The following UBR4 variants were observed in gnomAD, a reference collection of about 807,000 sequenced individuals.
The protein encoded by UBR4 is E3 ubiquitin-protein ligase UBR4.
Under a neutral mutation model 575.6 loss-of-function variants are expected in UBR4, and 124 were observed. The ratio of observed to expected loss-of-function variants is 0.22; its 90% CI spans 0.19 to 0.25. The LOEUF (loss-of-function observed/expected upper bound fraction) is 0.25, where lower values mean the gene tolerates loss of function less well. Ranked by LOEUF, UBR4 falls within the 10% of genes least tolerant of loss-of-function variation. The pLI is 1.00. For missense variants in UBR4, 4,818 were observed against 6,478.8 expected (o/e 0.74, Z 8.80); for synonymous variants, 2,455 against 2,473.7 (o/e 0.99, Z 0.22).
chr1:19,170,510 A>T (rs1004856586), intron 26 of UBR4, among the ~76,000 whole-genome samples: 2 of 152,244 alleles, frequency 1.3e-5, no homozygotes, highest in Non-Finnish European at 2.9e-5. Flanking sequence ...TCCCAGCTCT[A>T]TCTCTTGCAA....
Position 19,148,861 on chromosome 1 carries a change from C to T in UBR4, c.7431-235G>A, listed in dbSNP as rs11583294. Among the ~76,000 whole-genome samples, 1,183 of 152,304 alleles carry T rather than the reference C, an allele frequency of 7.8e-3. 25 individuals are homozygous for T. Among genetic ancestry groups the T allele is most frequent in the African/African-American group, 0.027 (1,141 of 41,566 alleles). On this transcript the variant is annotated intron_variant, in intron 49 of 105. Transcript: ENST00000375254. Reference sequence around the variant, plus strand: ...CTGAGGCCATGTTCGTAATCCGTAACTCAAAGACAGGGCTTTTCTTCCTCA... The same window carrying T: ...CTGAGGCCATGTTCGTAATCCGTAATTCAAAGACAGGGCTTTTCTTCCTCA...
intron 50 of UBR4, 33 bp from the exon 51 acceptor site, chr1:19,148,160 CCCA>C: frequency 3.2e-6 from 5 of 1,583,496 alleles, no homozygotes; most frequent in Non-Finnish European, 3.4e-6. Context: ...TATCACTAAC[CCCA>C]CCAACTCAAG....
chr1:19,128,888 G>C lies in UBR4; in HGVS notation c.9003+90C>G. The stretch of plus-strand genomic sequence containing the variant: ...ATTCTGTGGCCTAACACCAAACGAA[G>C]GCTTCCAGGTCCTCTGGAAGAGAGA... On this transcript the variant is annotated intron_variant, in intron 61 of 105. Transcript: ENST00000375254. The C allele has an allele frequency of 2.6e-6, 3 of 1,157,348 alleles. No individual in the cohort carries two copies. In the Admixed American group the frequency reaches 5.5e-5, roughly 21 times the overall value. 71.7% of individuals were successfully genotyped at this position (1,157,348 alleles called of 1,614,324 possible).
In UBR4 at chr1:19,187,285, C is replaced by G. The variant is rs915033758; in HGVS notation, c.1511G>C (p.Gly504Ala). The G allele has an allele frequency of 1.2e-6, 2 of 1,613,512 alleles. No homozygotes were observed. The highest frequency in any genetic ancestry group is 3.3e-4 in the Middle Eastern group (2 of 6,062). Residue 504 changes from glycine (G) to alanine (A), a missense_variant, in exon 13 of 106, where the codon GGC becomes GCC. Gly to Ala is a moderately conservative substitution (Grantham distance 60). This residue lies in a region of UBR4 where 162 missense variants were observed against 216.4 expected (regional missense o/e 0.75). Transcript: ENST00000375254. ...CATAATGCTCAAGGCTGCAGGGGGG[C>G]CATCTGTCTCCCAACCCTGAAGGCA... ...EALHKGWETDGPPAALSIMAQ... is the reference protein window; with the variant it reads ...EALHKGWETDAPPAALSIMAQ...
rs779455467 is a variant in UBR4 at position 19,099,578 on chromosome 1, C to G, written c.13302+19G>C. Reference sequence around the variant, plus strand: ...AGAAAAGTGAAACCACACCTCCAAACGAGAAAGCAGGCACATACCTCATTC... The same window carrying G: ...AGAAAAGTGAAACCACACCTCCAAAGGAGAAAGCAGGCACATACCTCATTC... On this transcript the variant is annotated intron_variant, in intron 90 of 105. Transcript: ENST00000375254. The G allele has an allele frequency of 6.2e-7, 1 of 1,610,184 alleles. No homozygotes were observed. Among genetic ancestry groups the G allele is most frequent in the Non-Finnish European group, 8.5e-7 (1 of 1,177,762 alleles).
At chr1:19,086,317 G>A (rs1342493939) in intron 100 of UBR4, 47 bp from the exon 101 acceptor site, 1 of 947,114 alleles carries the variant, frequency 1.1e-6, no homozygotes, top group South Asian at 1.6e-5. Flanking sequence ...GCATTAACGT[G>A]GCAACCAGGC....
intron 42 of UBR4, 103 bp downstream of exon 42, chr1:19,156,168 C>T (rs1292770835): frequency 6.7e-7 from 1 of 1,488,284 alleles, no homozygotes; most frequent in African/African-American, 1.4e-5. Context: ...GTCATGGCAC[C>T]CAGCTGATTT....
intron 65 of UBR4, 132 bp from the exon 66 acceptor site, chr1:19,123,192 C>G: frequency 3.1e-6 from 3 of 955,586 alleles, no homozygotes; most frequent in Non-Finnish European, 4.7e-6. Context: ...TGGCTCACAG[C>G]TGTAATCCCA....
intron 92 of UBR4, 65 bp from the exon 93 acceptor site, chr1:19,095,717 G>T (rs2077970101): frequency 6.8e-7 from 1 of 1,463,866 alleles, no homozygotes; most frequent in African/African-American, 1.4e-5. Flanking sequence ...GGGGCCAGTA[G>T]GAAAGGGATG....
In UBR4 at chr1:19,104,702, A is replaced by G. The variant is rs756154246; in HGVS notation, c.12646-36T>C. 42 of 1,598,550 alleles carry G rather than the reference A, an allele frequency of 2.6e-5. No individual in the cohort carries two copies. In the Admixed American group the frequency reaches 6.4e-4, roughly 24 times the overall value. On this transcript the variant is annotated intron_variant, in intron 85 of 105. Coordinates refer to ENST00000375254, the MANE Select transcript of UBR4 (RefSeq NM_020765.3). Reference sequence around the variant, plus strand: ...TGACAAGTGCAGTCAGTGTGATATCACTGCCAAGGATACCAGTTACCTCCA... The same window carrying G: ...TGACAAGTGCAGTCAGTGTGATATCGCTGCCAAGGATACCAGTTACCTCCA...
At chr1:19,161,235 AAAG>A (rs2087302981) in intron 37 of UBR4, 88 bp from the exon 38 acceptor site, 1 of 1,305,686 alleles carries the variant, frequency 7.7e-7, no homozygotes, top group Non-Finnish European at 1.1e-6. Flanking sequence ...AATTTGACCC[AAAG>A]AAGAAACTGG....
At chr1:19,206,404 C>T (rs2093014155) in intron 1 of UBR4, among the ~76,000 whole-genome samples, 1 of 151,848 alleles carries the variant, frequency 6.6e-6, no homozygotes, top group African/African-American at 2.4e-5. Flanking sequence ...CAGCTCACTG[C>T]AACTTTCGCC....
In UBR4 at chr1:19,170,889, G is replaced by A. The variant is rs1571403617; in HGVS notation, c.3522-6C>T. 6.2e-7 allele frequency: 1 copy of A among 1,613,950 alleles called. No individual in the cohort carries two copies. On this transcript the variant is annotated splice_polypyrimidine_tract_variant and splice_region_variant and intron_variant, in intron 25 of 105. Transcript: ENST00000375254. Reference sequence around the variant, plus strand: ...AGTTTTGCAGCAAATAGGCTCTGGGGAAAAAACAGGGGGAAAGTGAAGCCA... The same window carrying A: ...AGTTTTGCAGCAAATAGGCTCTGGGAAAAAAACAGGGGGAAAGTGAAGCCA...
chr1:19,127,918 C>T (rs555699947), intron 62 of UBR4, among the ~76,000 whole-genome samples, 179 bp from the exon 63 acceptor site: 1 of 152,258 alleles, frequency 6.6e-6, no homozygotes, highest in South Asian at 2.1e-4. Context: ...GCCCGATACA[C>T]TTAAGAGGCC....
chr1:19,159,602 CCT>C (rs1491184029), intron 39 of UBR4, among the ~76,000 whole-genome samples: 4 of 151,008 alleles, frequency 2.6e-5, no homozygotes, highest in Admixed American at 6.6e-5. Flanking sequence ...CAGCCCCACT[CCT>C]TTTTTTTTTT....
intron 1 of UBR4, among the ~76,000 whole-genome samples, chr1:19,209,523 G>A (rs2093199673): frequency 6.6e-6 from 1 of 152,202 alleles, no homozygotes; most frequent in Non-Finnish European, 1.5e-5. Flanking sequence ...TGATCTCTCA[G>A]ACACACACTG....
At position 19,100,514 on chromosome 1, in the gene UBR4, G is replaced by A. The variant is rs147721807; in HGVS notation, c.13083C>T (p.Asp4361=). The change falls in exon 89 of 106, where the codon GAC becomes GAT. Residue 4361 remains aspartate (D), a synonymous_variant. Coordinates refer to ENST00000375254, the MANE Select transcript of UBR4 (RefSeq NM_020765.3). This position sits in a 1 kb window ranked among gnomAD's most constrained non-coding sequence, Gnocchi z 4.2. ...TCCCAGGCATCCTGCCCTGTAAGAA[G>A]TCTTCTTGTTGGGGATCCTTCTCCA... is the stretch of plus-strand genomic sequence containing the variant. ...VTLEKDPQQE[D]FLQGRMPGNP... is the part of the protein sequence containing the mutation. 2.3e-5 allele frequency: 37 copies of A among 1,614,124 alleles called. No individual in the cohort carries two copies. The African/African-American group carries it at 4.4e-4, about 19-fold the overall frequency.
At chr1:19,150,290 G>T (rs1452700409) in intron 49 of UBR4, among the ~76,000 whole-genome samples, 2 of 152,184 alleles carry the variant, frequency 1.3e-5, no homozygotes, top group East Asian at 3.9e-4. Flanking sequence ...CTTGAGCATC[G>T]TCTAGCCTGT....
At chr1:19,144,594 G>A (rs1418531264) in intron 54 of UBR4, among the ~76,000 whole-genome samples, 192 bp downstream of exon 54, 1 of 152,178 alleles carries the variant, frequency 6.6e-6, no homozygotes, top group African/African-American at 2.4e-5. Context: ...GAATAAGAAA[G>A]ACTGAGCCCA....
Sources: allele counts gnomAD v4.1 joint callset (sites outside exome capture counted in the v4.1 genomes callset), GRCh38; gene constraint gnomAD v4.1.1; regional missense constraint gnomAD v4.1.1; non-coding constraint Gnocchi (gnomAD v3.1); transcripts MANE v1.5; gene names NCBI Gene and HGNC (gene_info 2026-07-23, HGNC 2026-07-21).